Variants in FAT3 observed in about 807,000 individuals in gnomAD.
The protein encoded by FAT3 is FAT atypical cadherin 3, also known as protocadherin Fat 3.
A neutral mutation model predicts 310.2 loss-of-function variants in FAT3; 95 were observed. That is an observed-to-expected ratio of 0.31 (90% CI 0.26 to 0.36). The LOEUF is 0.36. Among genes scored for constraint, FAT3 ranks in the 10% least tolerant of loss-of-function variants. FAT3 has a pLI of 1.00. For synonymous variants in FAT3, 2,314 were observed against 2,192.9 expected, an observed-to-expected ratio of 1.06 and a Z score of -1.54; for missense variants, 5,408 against 5,715.6, an observed-to-expected ratio of 0.95 and a Z score of 1.74.
At chr11:92,296,135 C>A (rs1306644171) in intron 1 of FAT3, among the ~76,000 whole-genome samples, 1 of 152,074 alleles carries the variant, frequency 6.6e-6, no homozygotes, top group Non-Finnish European at 1.5e-5. Context: ...AACTCTGGAC[C>A]CACAGTCTTT....
rs1390070227 is a variant in FAT3, at chr11:92,680,221, T to C, written c.3608-17163T>C. Among the ~76,000 whole-genome samples the C allele has an allele frequency of 3.3e-5, 5 of 152,156 alleles. No individual in the cohort carries two copies. The East Asian group carries it at 9.6e-4, about 29-fold the overall frequency. On this transcript the variant is annotated intron_variant, in intron 3 of 27. Coordinates refer to ENST00000525166, the MANE Select transcript of FAT3 (RefSeq NM_001367949.2). ...GAAGAGTTTTCTTTAGGTTTTCTTCTAGTATTTTTATAATTTCAGATCTTC... is the reference window on the plus strand; with the variant it reads ...GAAGAGTTTTCTTTAGGTTTTCTTCCAGTATTTTTATAATTTCAGATCTTC...
intron 2 of FAT3, among the ~76,000 whole-genome samples, chr11:92,497,080 G>C (rs1420747164): frequency 6.6e-6 from 1 of 151,976 alleles, no homozygotes; most frequent in Non-Finnish European, 1.5e-5. Flanking sequence ...GCATTTGTCT[G>C]GAGTTTGTCT....
chr11:92,703,410 G>A (rs1017474080), intron 4 of FAT3, among the ~76,000 whole-genome samples: 49 of 152,082 alleles, frequency 3.2e-4, no homozygotes, highest in African/African-American at 1.2e-3. Flanking sequence ...CTCTTCTTAG[G>A]CATCTCTTTC....
intron 1 of FAT3, among the ~76,000 whole-genome samples, chr11:92,291,327 G>A (rs1024829436): frequency 1.4e-4 from 21 of 152,038 alleles, no homozygotes; most frequent in Admixed American, 1.0e-3. Flanking sequence ...TTCTTCCTTC[G>A]GTGGGAGCTT....
At chr11:92,678,688 A>C (rs191349385) in intron 3 of FAT3, among the ~76,000 whole-genome samples, 49 of 152,330 alleles carry the variant, frequency 3.2e-4, no homozygotes, top group African/African-American at 1.1e-3. Context: ...ACAGAGCTCT[A>C]AGGCTTTCTT....
At chr11:92,699,616 C>T (rs965341189) in intron 4 of FAT3, among the ~76,000 whole-genome samples, 2 of 152,184 alleles carry the variant, frequency 1.3e-5, no homozygotes, top group African/African-American at 2.4e-5. Context: ...TTCAACATTT[C>T]CTTCGAGCAT....
At chr11:92,385,935 C>G (rs1565276396) in intron 2 of FAT3, among the ~76,000 whole-genome samples, 1 of 152,080 alleles carries the variant, frequency 6.6e-6, no homozygotes, top group East Asian at 2.0e-4. Flanking sequence ...CACTTGAGTC[C>G]AGGAGTTCAA....
At chr11:92,822,589 T>C (rs560554295) in intron 13 of FAT3, among the ~76,000 whole-genome samples, 1 of 152,324 alleles carries the variant, frequency 6.6e-6, no homozygotes, top group African/African-American at 2.4e-5. Context: ...CACGATTATG[T>C]TGTCCATCAT....
rs535920257 is a variant in FAT3 at position 92,716,078 on chromosome 11, AAGG to A, written c.3669+18636_3669+18638del. Among the ~76,000 whole-genome samples the A allele has an allele frequency of 9.2e-5, 14 of 152,296 alleles. 1 individual carries two copies. The East Asian group carries it at 2.5e-3, about 27-fold the overall frequency. On this transcript the variant is annotated intron_variant, in intron 4 of 27. Coordinates refer to ENST00000525166, the MANE Select transcript of FAT3 (RefSeq NM_001367949.2). ...TGGGAAAAGAGGACTTTGGAGTTAG[AAGG>A]AGTCTGGGATCAGACCAGCTGGTTA...
chr11:92,869,585 A>G (rs1489095016), intron 22 of FAT3, among the ~76,000 whole-genome samples: 5 of 152,242 alleles, frequency 3.3e-5, no homozygotes, highest in African/African-American at 4.8e-5. Flanking sequence ...TACCAATAGT[A>G]TATCAATAGA....
intron 7 of FAT3, among the ~76,000 whole-genome samples, chr11:92,784,004 T>C (rs901974293): frequency 7.2e-5 from 11 of 152,240 alleles, no homozygotes; most frequent in African/African-American, 2.4e-4. Context: ...TCTGTACACA[T>C]TGTATGTATA....
intron 1 of FAT3, among the ~76,000 whole-genome samples, chr11:92,279,871 CTG>C (rs1946378883): frequency 6.6e-6 from 1 of 152,062 alleles, no homozygotes; most frequent in African/African-American, 2.4e-5. Flanking sequence ...GATAAGATAA[CTG>C]AGGTTCAGAA....
intron 10 of FAT3, among the ~76,000 whole-genome samples, chr11:92,803,044 T>G (rs1282632511): frequency 6.6e-6 from 1 of 151,952 alleles, no homozygotes; most frequent in Admixed American, 6.6e-5. Flanking sequence ...TTGATTAAAA[T>G]ATGTATTTCT....
At chr11:92,506,164 T>C (rs1397117569) in intron 2 of FAT3, among the ~76,000 whole-genome samples, 1 of 152,190 alleles carries the variant, frequency 6.6e-6, no homozygotes, top group Non-Finnish European at 1.5e-5. Flanking sequence ...TCCTAATTTC[T>C]CTTTTAACAG....
intron 3 of FAT3, among the ~76,000 whole-genome samples, chr11:92,637,825 A>G (rs575821641): frequency 2.0e-5 from 3 of 152,320 alleles, no homozygotes; most frequent in South Asian, 4.1e-4. Context: ...CTAAATAATG[A>G]CATCCCTTAT....
At chr11:92,750,301 T>C (rs946643225) in intron 4 of FAT3, among the ~76,000 whole-genome samples, 1 of 151,574 alleles carries the variant, frequency 6.6e-6, no homozygotes, top group Non-Finnish European at 1.5e-5. Context: ...AGAATCAGAG[T>C]GAAGGAAGGT....
Position 92,698,146 on chromosome 11 carries a change from A to G in FAT3, c.3669+701A>G, listed in dbSNP as rs545314636. On this transcript the variant is annotated intron_variant, in intron 4 of 27. Coordinates refer to ENST00000525166, the MANE Select transcript of FAT3 (RefSeq NM_001367949.2). ...TGATATGAAACAGATGACGATGCTT[A>G]GAACTCAAGGCTCTGTTAAGGTTTT... Among the ~76,000 whole-genome samples the G allele has an allele frequency of 2.0e-5, 3 of 152,330 alleles. No homozygotes were observed. The East Asian group carries it at 5.8e-4, about 29-fold the overall frequency.
chr11:92,408,148 C>A (rs907086425), intron 2 of FAT3: 1 of 152,286 alleles, frequency 6.6e-6, no homozygotes, highest in Non-Finnish European at 1.5e-5. Context: ...TAGATGGCTG[C>A]TTTGTCCTCA....
chr11:92,307,632 G>A (rs1161703075), intron 1 of FAT3, among the ~76,000 whole-genome samples: 1 of 152,126 alleles, frequency 6.6e-6, no homozygotes, highest in African/African-American at 2.4e-5. Context: ...TCTCAGATAA[G>A]CTCACAGCCC....
Sources: allele counts gnomAD v4.1 joint callset (sites outside exome capture counted in the v4.1 genomes callset), GRCh38; gene constraint gnomAD v4.1.1; transcripts MANE v1.5; gene names NCBI Gene and HGNC (gene_info 2026-07-23, HGNC 2026-07-21).